Variants in KDM4B observed in about 807,000 individuals in gnomAD.
KDM4B encodes lysine-specific demethylase 4B.
KDM4B carries 32 observed loss-of-function variants against 125.2 expected under a neutral mutation model. The ratio of observed to expected loss-of-function variants is 0.26; its 90% CI spans 0.19 to 0.34. The LOEUF (loss-of-function observed/expected upper bound fraction) is 0.34, where lower values mean the gene tolerates loss of function less well. Ranked by LOEUF, KDM4B falls within the 10% of genes least tolerant of loss-of-function variation. The pLI is 1.00. For synonymous variants in KDM4B, 721 were observed against 677.9 expected (o/e 1.06, Z -0.99); for missense variants, 1,190 against 1,577.7 (o/e 0.75, Z 4.16).
At chr19:5,090,020 C>G (rs1568290998) in intron 9 of KDM4B, among the ~76,000 whole-genome samples, 1 of 152,284 alleles carries the variant, frequency 6.6e-6, no homozygotes, top group African/African-American at 2.4e-5. Context: ...AAGGGGGAAA[C>G]AAGACAAAAA....
At chr19:5,003,630 G>A (rs1388766783) in intron 1 of KDM4B, among the ~76,000 whole-genome samples, 2 of 151,856 alleles carry the variant, frequency 1.3e-5, no homozygotes, top group African/African-American at 4.8e-5. Context: ...CCAATATGGT[G>A]AAACCCCGTC....
intron 9 of KDM4B, among the ~76,000 whole-genome samples, chr19:5,084,297 A>G (rs1169941489): frequency 6.8e-6 from 1 of 146,450 alleles, no homozygotes; most frequent in Non-Finnish European, 1.5e-5. Context: ...TGTTATATAT[A>G]ATTTATATAT....
chr19:4,981,394 C>T (rs1437971405), intron 1 of KDM4B, among the ~76,000 whole-genome samples: 2 of 152,180 alleles, frequency 1.3e-5, no homozygotes, highest in South Asian at 2.1e-4. Flanking sequence ...ATGCCAGGGC[C>T]TTTCTTCCCC....
chr19:4,976,573 A>G (rs946167296), intron 1 of KDM4B, among the ~76,000 whole-genome samples: 6 of 152,214 alleles, frequency 3.9e-5, no homozygotes, highest in African/African-American at 2.4e-5. Flanking sequence ...ACAATTTCAC[A>G]AGGCTTTTGT....
chr19:5,106,166 C>T (rs1286822908), intron 9 of KDM4B, among the ~76,000 whole-genome samples: 2 of 152,174 alleles, frequency 1.3e-5, no homozygotes, highest in African/African-American at 2.4e-5. Context: ...TCCTGTAGAC[C>T]GCATCTTGCC....
At chr19:4,991,256 C>A (rs544299850) in intron 1 of KDM4B, among the ~76,000 whole-genome samples, 21 of 152,124 alleles carry the variant, frequency 1.4e-4, no homozygotes, top group Non-Finnish European at 2.5e-4. Context: ...GGCAACCCCC[C>A]CTGCCCTACC....
intron 6 of KDM4B, among the ~76,000 whole-genome samples, chr19:5,059,962 G>A (rs866252645): frequency 2.0e-5 from 3 of 152,236 alleles, no homozygotes; most frequent in Admixed American, 1.3e-4. Flanking sequence ...TGCCCAGCTG[G>A]CCTTCTGCAG....
chr19:5,007,208 C>G (rs985284460), intron 1 of KDM4B, among the ~76,000 whole-genome samples: 3 of 152,216 alleles, frequency 2.0e-5, no homozygotes, highest in South Asian at 4.1e-4. Flanking sequence ...AATGGCAGCT[C>G]TTGGCCAGGC....
At chr19:5,046,899 C>T (rs1362772982) in intron 5 of KDM4B, 1 of 152,812 alleles carries the variant, frequency 6.5e-6, no homozygotes, top group African/African-American at 2.4e-5. Context: ...GCAGGAAGCA[C>T]GCAGCTCAGT....
chr19:5,143,318 C>CG (rs1555721961), intron 18 of KDM4B, among the ~76,000 whole-genome samples: 1 of 144,260 alleles, frequency 6.9e-6, no homozygotes, highest in Non-Finnish European at 1.5e-5. Flanking sequence ...CACCCAGGCT[C>CG]AAAAAAAAAA....
In KDM4B at chr19:5,119,826, A is replaced by T. The variant is rs1251069129; in HGVS notation, c.1289A>T (p.His430Leu). The T allele has an allele frequency of 1.3e-6, 2 of 1,544,718 alleles. No individual in the cohort carries two copies. The highest frequency in any genetic ancestry group is 4.0e-5 in the Admixed American group (2 of 50,102). The change falls in exon 11 of 23, where the codon CAC becomes CTC. Residue 430 changes from histidine to leucine, a missense_variant. Physicochemically the swap from His to Leu is moderately conservative, Grantham distance 99 (BLOSUM62 -3). Transcript: ENST00000159111. ...EEEEEPQPLP[H>L]GREAEGAEED... ...GAGGAGGAGCCGCAGCCACTGCCAC[A>T]CGGCCGGGAGGCCGAGGGCGCAGAA... is the stretch of plus-strand genomic sequence containing the variant.
chr19:5,130,400 ATG>A (rs1159840925), intron 11 of KDM4B, among the ~76,000 whole-genome samples: 5 of 127,044 alleles, frequency 3.9e-5, no homozygotes, highest in Non-Finnish European at 5.2e-5. Flanking sequence ...CACCAAACAC[ATG>A]AGTCAACTGT....
chr19:5,032,491 G>T (rs371369122), intron 2 of KDM4B, among the ~76,000 whole-genome samples: 1 of 152,208 alleles, frequency 6.6e-6, no homozygotes, highest in African/African-American at 2.4e-5. Flanking sequence ...GCGGTCTCTC[G>T]TGCGGATCAG....
At chr19:5,098,148 T>G (rs2038863860) in intron 9 of KDM4B, among the ~76,000 whole-genome samples, 1 of 152,204 alleles carries the variant, frequency 6.6e-6, no homozygotes, top group South Asian at 2.1e-4. Context: ...GTAGCCTCCG[T>G]GGCAGCCTCC....
At chr19:4,995,554 C>T (rs2035172600) in intron 1 of KDM4B, among the ~76,000 whole-genome samples, 1 of 152,124 alleles carries the variant, frequency 6.6e-6, no homozygotes, top group South Asian at 2.1e-4. Context: ...GCTAGGATTA[C>T]AGGCATGATC....
At chr19:5,040,602 C>T (rs1022871012) in intron 4 of KDM4B, among the ~76,000 whole-genome samples, 2 of 152,190 alleles carry the variant, frequency 1.3e-5, no homozygotes, top group African/African-American at 4.8e-5. Flanking sequence ...CCGAGTACAG[C>T]TCCCTGGTTC....
At chr19:5,048,928 G>A (rs1489538890) in intron 6 of KDM4B, among the ~76,000 whole-genome samples, 2 of 152,204 alleles carry the variant, frequency 1.3e-5, no homozygotes, top group African/African-American at 4.8e-5. Flanking sequence ...ATGGGAGGTG[G>A]GGGACCAGCC....
chr19:5,032,763 G>T (rs2036499022), intron 2 of KDM4B, 103 bp from the exon 3 acceptor site: 1 of 1,122,320 alleles, frequency 8.9e-7, no homozygotes, highest in South Asian at 1.5e-5. Flanking sequence ...TGTCCTCCTG[G>T]TGGCCACGGT....
chr19:5,102,504 A>G (rs550029646), intron 9 of KDM4B, among the ~76,000 whole-genome samples: 4 of 152,066 alleles, frequency 2.6e-5, no homozygotes, highest in Admixed American at 2.0e-4. Context: ...GTGGAGCTGG[A>G]CACCCCTGGG....
Sources: gnomAD v4.1 joint callset for allele counts (sites outside exome capture counted in the v4.1 genomes callset) on GRCh38, gnomAD v4.1.1 for gene constraint, MANE v1.5 for transcripts, NCBI Gene and HGNC (gene_info 2026-07-23, HGNC 2026-07-21) for gene names.